The following DYM variants were observed in gnomAD, a reference collection of about 807,000 sequenced individuals.
The protein encoded by DYM is dyggve-Melchior-Clausen syndrome protein.
DYM carries 78 observed loss-of-function variants against 93.1 expected under a neutral mutation model. That is an observed-to-expected ratio of 0.84 (90% CI 0.70 to 1.01). DYM has a LOEUF of 1.01. DYM is among the 50% of genes least tolerant of loss of function. The pLI, the probability that DYM is intolerant of heterozygous loss-of-function variation, is 0.00. For missense variants in DYM, 789 were observed against 845.0 expected (o/e 0.93, Z 0.82); for synonymous variants, 321 against 319.7 (o/e 1.00, Z -0.04).
intron 1 of DYM, among the ~76,000 whole-genome samples, chr18:49,446,688 C>T (rs1045152522): frequency 3.9e-5 from 6 of 152,254 alleles, no homozygotes; most frequent in African/African-American, 1.4e-4. Flanking sequence ...TACAGAGATA[C>T]GGATACATCA....
intron 8 of DYM, among the ~76,000 whole-genome samples, chr18:49,324,743 T>C (rs928600216): frequency 1.3e-5 from 2 of 152,226 alleles, no homozygotes; most frequent in Non-Finnish European, 2.9e-5. Context: ...ATTTATTTTC[T>C]TTCTTTCTAT....
chr18:49,213,919 G>T (rs1174204482), intron 13 of DYM, among the ~76,000 whole-genome samples: 1 of 152,168 alleles, frequency 6.6e-6, no homozygotes, highest in African/African-American at 2.4e-5. Context: ...GCATGATTTT[G>T]GAAGGGAAGA....
intron 6 of DYM, among the ~76,000 whole-genome samples, chr18:49,355,536 T>C (rs1194526634): frequency 6.7e-6 from 1 of 149,446 alleles, no homozygotes; most frequent in Non-Finnish European, 1.5e-5. Context: ...CCATAGAAGA[T>C]AAACACCTAC....
intron 2 of DYM, among the ~76,000 whole-genome samples, chr18:49,416,007 C>G (rs767553262): frequency 6.7e-6 from 1 of 150,176 alleles, no homozygotes; most frequent in Non-Finnish European, 1.5e-5. Flanking sequence ...ATTTTTAAAA[C>G]AGCAGAACAA....
intron 14 of DYM, among the ~76,000 whole-genome samples, chr18:49,185,296 G>C (rs1353344876): frequency 6.6e-6 from 1 of 152,180 alleles, no homozygotes; most frequent in African/African-American, 2.4e-5. Flanking sequence ...ATCTGCTACA[G>C]AGCAGGAATT....
chr18:49,338,639 C>T (rs771089552), intron 6 of DYM, among the ~76,000 whole-genome samples: 2 of 152,100 alleles, frequency 1.3e-5, no homozygotes, highest in African/African-American at 2.4e-5. Flanking sequence ...ATAAAGATTA[C>T]GATTACTCCA....
intron 8 of DYM, among the ~76,000 whole-genome samples, chr18:49,289,908 CATT>C (rs1412759903): frequency 6.0e-5 from 9 of 150,624 alleles, no homozygotes; most frequent in African/African-American, 2.2e-4. Context: ...GAGACTAGAA[CATT>C]TTTAAAAGAC....
chr18:49,092,412 TG>T (rs1336668222), intron 17 of DYM, among the ~76,000 whole-genome samples: 1 of 152,250 alleles, frequency 6.6e-6, no homozygotes, highest in Non-Finnish European at 1.5e-5. Context: ...TTCCCAGCAG[TG>T]TCTCCACTCC....
intron 8 of DYM, among the ~76,000 whole-genome samples, chr18:49,330,201 A>G (rs181730958): frequency 1.3e-5 from 2 of 152,364 alleles, no homozygotes; most frequent in Admixed American, 1.3e-4. Context: ...AAGATTTAGG[A>G]AGAAAGCTGT....
chr18:49,379,495 C>G (rs553565380), intron 4 of DYM, among the ~76,000 whole-genome samples, 170 bp downstream of exon 4: 4 of 152,160 alleles, frequency 2.6e-5, no homozygotes, highest in African/African-American at 7.2e-5. Context: ...ATAATCTCAC[C>G]CCAGTGACTT....
At chr18:49,077,114 T>C (rs2077371015) in intron 17 of DYM, among the ~76,000 whole-genome samples, 1 of 152,240 alleles carries the variant, frequency 6.6e-6, no homozygotes, top group Non-Finnish European at 1.5e-5. Context: ...TGTTCCCCTA[T>C]TTTTTGCTTC....
chr18:49,127,552 G>A (rs2082937654), intron 15 of DYM, among the ~76,000 whole-genome samples: 1 of 152,118 alleles, frequency 6.6e-6, no homozygotes, highest in African/African-American at 2.4e-5. Flanking sequence ...TGCATTTTCA[G>A]CAGAAAATAA....
At chr18:49,223,927 A>C (rs1421973857) in intron 13 of DYM, among the ~76,000 whole-genome samples, 1 of 152,086 alleles carries the variant, frequency 6.6e-6, no homozygotes, top group Non-Finnish European at 1.5e-5. Context: ...TCTAGGAACA[A>C]TGGGAAGTAT....
At position 49,110,490 on chromosome 18, in the gene DYM, G is replaced by GT. The variant is rs562597053; in HGVS notation, c.1911+8253dup. ...AAGACATTTTTGAGGGTAAGATTTTGTTTTTTTTTCATTTTAGCCTTATAA... is the reference window on the plus strand; with the variant it reads ...AAGACATTTTTGAGGGTAAGATTTTGTTTTTTTTTTCATTTTAGCCTTATAA... On this transcript the variant is annotated intron_variant, in intron 16 of 17. Coordinates refer to ENST00000675505, the MANE Select transcript of DYM (RefSeq NM_001353214.3). 2.1e-3 allele frequency among the ~76,000 whole-genome samples: 313 copies of GT among 147,464 alleles called. 1 individual carries two copies. Among genetic ancestry groups the GT allele is most frequent in the East Asian group, 0.011 (57 of 5,008 alleles).
chr18:49,249,729 C>A (rs909098180), intron 13 of DYM, among the ~76,000 whole-genome samples: 3 of 151,718 alleles, frequency 2.0e-5, no homozygotes, highest in African/African-American at 7.2e-5. Flanking sequence ...GAAAAGGCAA[C>A]TCATATAAAA....
rs183587744 is a variant in DYM, at chr18:49,348,931, G to C, written c.494+14230C>G. On this transcript the variant is annotated intron_variant, in intron 6 of 17. Coordinates refer to ENST00000675505, the MANE Select transcript of DYM (RefSeq NM_001353214.3). ...CCAAAAAAAAAAAAAAACCACACCA[G>C]ATGCAGTGGCTCACGCCTATAATCT... Among the ~76,000 whole-genome samples the C allele has an allele frequency of 1.9e-3, 257 of 135,296 alleles. 1 individual carries two copies. Among genetic ancestry groups the C allele is most frequent in the Admixed American group, 5.3e-3 (68 of 12,848 alleles). The allele number at this position is 135,296 out of a possible 152,430, so 88.8% of individuals were successfully genotyped here.
intron 15 of DYM, among the ~76,000 whole-genome samples, chr18:49,135,133 C>A (rs906960734): frequency 1.3e-5 from 2 of 151,916 alleles, no homozygotes; most frequent in East Asian, 1.9e-4. Context: ...CATAAAAAAA[C>A]CACTTCTCTC....
chr18:49,435,510 G>A lies in DYM; in HGVS notation c.-53-5063C>T, dbSNP rs60328566. On this transcript the variant is annotated intron_variant, in intron 1 of 17. Coordinates refer to ENST00000675505, the MANE Select transcript of DYM (RefSeq NM_001353214.3). ...AATGCTCAATTAAAACCACAAGGCC[G>A]GGCACAGTGGCTCATGCCTGTAATC... Among the ~76,000 whole-genome samples the A allele has an allele frequency of 5.5e-4, 84 of 151,804 alleles. 1 individual carries two copies. In the South Asian group the frequency reaches 0.014, roughly 25 times the overall value.
chr18:49,326,714 A>C (rs1001926770), intron 8 of DYM, among the ~76,000 whole-genome samples: 1 of 152,194 alleles, frequency 6.6e-6, no homozygotes, highest in Non-Finnish European at 1.5e-5. Context: ...TGGTTACAAG[A>C]ATACCTAATT....
Sources: allele counts gnomAD v4.1 joint callset (sites outside exome capture counted in the v4.1 genomes callset), GRCh38; gene constraint gnomAD v4.1.1; transcripts MANE v1.5; gene names NCBI Gene and HGNC (gene_info 2026-07-23, HGNC 2026-07-21).